Variants in DDIAS observed in about 807,000 individuals in gnomAD.
DDIAS encodes the protein DNA damage-induced apoptosis suppressor protein.
A neutral mutation model predicts 15.7 loss-of-function variants in DDIAS; 14 were observed. The observed-to-expected ratio is 0.89, with a 90% CI of 0.59 to 1.39. The LOEUF is 1.39. Ranked by LOEUF, DDIAS falls within the 40% of genes most tolerant of loss-of-function variation. The probability of loss-of-function intolerance (pLI) is 0.00; values close to 1 mark genes in which losing one functional copy is unlikely to be tolerated. For missense variants in DDIAS, 1,035 were observed against 1,130.9 expected (o/e 0.92, Z 1.22); for synonymous variants, 355 against 395.9 (o/e 0.90, Z 1.23).
At chr11:82,912,325 A>G (rs946417612) in intron 1 of DDIAS, among the ~76,000 whole-genome samples, 1 of 152,200 alleles carries the variant, frequency 6.6e-6, no homozygotes, top group Non-Finnish European at 1.5e-5. Flanking sequence ...ATCATCAACT[A>G]GTTAAGATCT....
chr11:82,905,690 T>G (rs1860414963), intron 1 of DDIAS, among the ~76,000 whole-genome samples: 1 of 152,144 alleles, frequency 6.6e-6, no homozygotes, highest in Non-Finnish European at 1.5e-5. Flanking sequence ...AATGTCTGTC[T>G]CTTACACTAG....
At chr11:82,922,693 G>T (rs572224009) in intron 3 of DDIAS, 1 of 152,258 alleles carries the variant, frequency 6.6e-6, no homozygotes, top group South Asian at 2.1e-4. Context: ...GTAAATCAGG[G>T]ATTTCTTATT....
chr11:82,929,347 C>A (rs533306890), intron 4 of DDIAS, among the ~76,000 whole-genome samples: 1 of 152,234 alleles, frequency 6.6e-6, no homozygotes, highest in Non-Finnish European at 1.5e-5. Flanking sequence ...ATCTGTATTG[C>A]AATTTAATTT....
chr11:82,933,532 CA>C lies in DDIAS; in HGVS notation c.2199del (p.Lys733AsnfsTer56). 6.2e-7 allele frequency: 1 copy of C among 1,614,044 alleles called. No individual in the cohort carries two copies. The highest frequency in any genetic ancestry group is 8.5e-7 in the Non-Finnish European group (1 of 1,179,976). On this transcript the variant is annotated frameshift_variant, in exon 6 of 6. Transcript: ENST00000533655. LOFTEE classifies it low-confidence loss of function (END_TRUNC). ...TTCTGAAGACTTCATCCAGCCTTCA[CA>C]AAAATTATCCTTGCAAAGCCTATCT... ...SLSEDFIQPSQKLSLQSLSDS... is the reference protein window; with the variant it reads ...SLSEDFIQPSXKLSLQSLSDS...
At chr11:82,930,058 G>C in intron 4 of DDIAS, 99 bp from the exon 5 acceptor site, 1 of 686,894 alleles carries the variant, frequency 1.5e-6, no homozygotes, top group Non-Finnish European at 2.4e-6. Flanking sequence ...TCTATAAAAG[G>C]TTCATGCTGC....
intron 3 of DDIAS, among the ~76,000 whole-genome samples, chr11:82,922,173 G>T (rs1182923895): frequency 1.3e-5 from 2 of 152,170 alleles, no homozygotes. Context: ...TAGATAACCT[G>T]ATGACAGTGT....
rs146386180 is a variant in DDIAS, at chr11:82,932,910, T to C, written c.1572T>C (p.His524=). Residue 524 remains histidine (H), a synonymous_variant, in exon 6 of 6, where the codon CAT becomes CAC. Transcript: ENST00000533655. ...DNKVEAVSVN[H]NGRDMSEYFL... is the part of the protein sequence containing the mutation. ...AAGTAGAGGCTGTCTCTGTAAATCA[T>C]AATGGAAGAGATATGTCAGAATATT... 3 of 1,612,394 alleles carry C rather than the reference T, an allele frequency of 1.9e-6. No homozygotes were observed. The highest frequency in any genetic ancestry group is 1.7e-5 in the Admixed American group (1 of 59,884).
intron 1 of DDIAS, among the ~76,000 whole-genome samples, chr11:82,911,303 ACTT>A (rs1449522943): frequency 3.3e-5 from 5 of 152,224 alleles, no homozygotes; most frequent in Non-Finnish European, 7.3e-5. Flanking sequence ...TCACAGTAGA[ACTT>A]CTTTCAGAAT....
chr11:82,903,734 TAAG>T (rs1289089373), intron 1 of DDIAS, among the ~76,000 whole-genome samples: 1 of 152,174 alleles, frequency 6.6e-6, no homozygotes, highest in Admixed American at 6.5e-5. Flanking sequence ...TAGACAGTGT[TAAG>T]AAAACAATTC....
At chr11:82,923,545 T>C (rs1046504934) in intron 3 of DDIAS, among the ~76,000 whole-genome samples, 6 of 152,006 alleles carry the variant, frequency 3.9e-5, no homozygotes, top group Non-Finnish European at 5.9e-5. Flanking sequence ...GGAATTAACT[T>C]TCTTACCTCC....
chr11:82,902,392 C>T lies in DDIAS; in HGVS notation c.-117+570C>T, dbSNP rs11825469. Among the ~76,000 whole-genome samples the T allele has an allele frequency of 1.7e-3, 254 of 151,856 alleles. 1 individual carries two copies. The highest frequency in any genetic ancestry group is 5.9e-3 in the African/African-American group (245 of 41,326). On this transcript the variant is annotated intron_variant, in intron 1 of 5. Coordinates refer to ENST00000533655, the MANE Select transcript of DDIAS (RefSeq NM_145018.4). ...TACATAGCTGTGACAGTAACCCCCC[C>T]CTCCCCCGCCGCCCCAGCTGGTTCT...
Position 82,930,142 on chromosome 11 carries a change from T to C in DDIAS, c.276-15T>C. The C allele has an allele frequency of 1.4e-6, 2 of 1,457,668 alleles. No individual in the cohort carries two copies. Among genetic ancestry groups the C allele is most frequent in the Admixed American group, 2.2e-5 (1 of 46,302 alleles). The allele number at this position is 1,457,668 out of a possible 1,614,324, so 90.3% of individuals were successfully genotyped here. On this transcript the variant is annotated splice_polypyrimidine_tract_variant and intron_variant, in intron 4 of 5. Coordinates refer to ENST00000533655, the MANE Select transcript of DDIAS (RefSeq NM_145018.4). ...AGTTCATTGCTTCACATTTTTTACT[T>C]TTTTTCCAATCAAGGTACATTCAGG...
At chr11:82,916,647 T>G (rs1310496799) in intron 3 of DDIAS, among the ~76,000 whole-genome samples, 1 of 152,222 alleles carries the variant, frequency 6.6e-6, no homozygotes, top group African/African-American at 2.4e-5. Context: ...ATGCCATTGT[T>G]ACTTATTTAG....
At chr11:82,927,636 AAT>A (rs1378175005) in intron 3 of DDIAS, among the ~76,000 whole-genome samples, 1 of 152,204 alleles carries the variant, frequency 6.6e-6, no homozygotes, top group Admixed American at 6.5e-5. Flanking sequence ...ATTTCAAAAA[AAT>A]TTTTTAAACT....
chr11:82,927,541 C>CT (rs563326273), intron 3 of DDIAS, among the ~76,000 whole-genome samples: 2 of 152,162 alleles, frequency 1.3e-5, no homozygotes, highest in Admixed American at 6.5e-5. Flanking sequence ...TTTTGCCACT[C>CT]TTTTTTAAGA....
intron 5 of DDIAS, 142 bp from the exon 6 acceptor site, chr11:82,931,590 C>T (rs1240124116): frequency 1.4e-6 from 1 of 690,588 alleles, no homozygotes; most frequent in African/African-American, 1.8e-5. Flanking sequence ...ACTCTTGAGG[C>T]TCAAGTGATC....
intron 4 of DDIAS, among the ~76,000 whole-genome samples, chr11:82,929,394 A>T (rs952417273): frequency 3.3e-5 from 5 of 152,152 alleles, no homozygotes; most frequent in African/African-American, 1.2e-4. Flanking sequence ...TCCTGAGAAT[A>T]TAAGAATAAG....
chr11:82,904,877 A>T (rs1430089369), intron 1 of DDIAS, among the ~76,000 whole-genome samples: 1 of 152,228 alleles, frequency 6.6e-6, no homozygotes, highest in Non-Finnish European at 1.5e-5. Context: ...TGATTCACCA[A>T]ACAGCTCTTC....
intron 3 of DDIAS, among the ~76,000 whole-genome samples, chr11:82,919,910 A>G (rs1227919446): frequency 2.6e-5 from 4 of 152,120 alleles, no homozygotes; most frequent in Non-Finnish European, 4.4e-5. Flanking sequence ...TATTTTTAGT[A>G]GACAGGGTTT....
Sources: gnomAD v4.1 joint callset for allele counts (sites outside exome capture counted in the v4.1 genomes callset) on GRCh38, gnomAD v4.1.1 for gene constraint, MANE v1.5 for transcripts, NCBI Gene and HGNC (gene_info 2026-07-23, HGNC 2026-07-21) for gene names.